The following ROBO2 variants were observed in gnomAD, a reference collection of about 807,000 sequenced individuals.
ROBO2 encodes the protein roundabout homolog 2.
Under a neutral mutation model 160.8 loss-of-function variants are expected in ROBO2, and 53 were observed. That is an observed-to-expected ratio of 0.33 (90% CI 0.26 to 0.41). The LOEUF (loss-of-function observed/expected upper bound fraction) is 0.41, where lower values mean the gene tolerates loss of function less well. Ranked by LOEUF, ROBO2 falls within the 10% of genes least tolerant of loss-of-function variation. The pLI is 1.00. For missense variants in ROBO2, 1,577 were observed against 1,722.4 expected, an observed-to-expected ratio of 0.92 and a Z score of 1.49; for synonymous variants, 664 against 611.7, an observed-to-expected ratio of 1.09 and a Z score of -1.26.
chr3:77,445,290 T>C (rs2153557537), intron 2 of ROBO2, among the ~76,000 whole-genome samples: 1 of 152,252 alleles, frequency 6.6e-6, no homozygotes, highest in East Asian at 1.9e-4. Context: ...ATTAAGACTA[T>C]CTCAGGACTT....
chr3:76,749,880 T>G (rs1203207436), intron 2 of ROBO2, among the ~76,000 whole-genome samples: 2 of 152,080 alleles, frequency 1.3e-5, no homozygotes, highest in East Asian at 3.9e-4. Context: ...AAAGAGGAGC[T>G]GGTACCATTC....
At chr3:76,328,318 T>C (rs1350142886) in intron 2 of ROBO2, among the ~76,000 whole-genome samples, 2 of 152,170 alleles carry the variant, frequency 1.3e-5, no homozygotes, top group Admixed American at 1.3e-4. Context: ...TTGGAAGATA[T>C]TCCCAAAAGT....
chr3:76,699,515 T>C (rs1176526287), intron 2 of ROBO2, among the ~76,000 whole-genome samples: 5 of 152,152 alleles, frequency 3.3e-5, no homozygotes, highest in Non-Finnish European at 5.9e-5. Flanking sequence ...GATCCCCATA[T>C]TGATATTAAA....
At chr3:77,458,418 G>T (rs1266449352) in intron 2 of ROBO2, among the ~76,000 whole-genome samples, 1 of 152,104 alleles carries the variant, frequency 6.6e-6, no homozygotes, top group Non-Finnish European at 1.5e-5. Flanking sequence ...TAGAAGGTTT[G>T]GGTTTGTTGG....
chr3:77,020,925 C>A (rs1002316890), intron 2 of ROBO2, among the ~76,000 whole-genome samples: 2 of 152,108 alleles, frequency 1.3e-5, no homozygotes, highest in East Asian at 1.9e-4. Context: ...ACACTCTTTG[C>A]CAGGTGTGGT....
chr3:76,599,027 T>C lies in ROBO2; in HGVS notation c.110-498987T>C, dbSNP rs376510955. Among the ~76,000 whole-genome samples, 33 of 152,262 alleles carry C rather than the reference T, an allele frequency of 2.2e-4. 1 individual carries two copies. The highest frequency in any genetic ancestry group is 1.7e-3 in the East Asian group (9 of 5,180). On this transcript the variant is annotated intron_variant, in intron 2 of 26. Transcript: ENST00000487694. ...ACCTCATCTTTAATTACGTTCTACA[T>C]GTAAGAACTACCCATTTGGTGTATA...
At chr3:76,545,608 T>C (rs1356591651) in intron 2 of ROBO2, among the ~76,000 whole-genome samples, 1 of 151,976 alleles carries the variant, frequency 6.6e-6, no homozygotes, top group Non-Finnish European at 1.5e-5. Flanking sequence ...CAGCCTTAAC[T>C]TTGACTCTCG....
chr3:76,152,103 G>T (rs904415802), intron 2 of ROBO2, among the ~76,000 whole-genome samples: 9 of 152,108 alleles, frequency 5.9e-5, no homozygotes, highest in African/African-American at 2.2e-4. Flanking sequence ...AGTGTTGTTG[G>T]TAAAGGCCAT....
intron 2 of ROBO2, among the ~76,000 whole-genome samples, chr3:76,132,506 A>C (rs545381721): frequency 1.8e-4 from 28 of 151,876 alleles, no homozygotes; most frequent in South Asian, 1.7e-3. Context: ...CACAAAACTC[A>C]AGTTCCCGGA....
At chr3:76,152,944 C>T (rs1027000632) in intron 2 of ROBO2, among the ~76,000 whole-genome samples, 9 of 152,100 alleles carry the variant, frequency 5.9e-5, no homozygotes, top group Admixed American at 1.3e-4. Flanking sequence ...GATCTGCCTT[C>T]TTCTAAATTC....
intron 5 of ROBO2, among the ~76,000 whole-genome samples, chr3:77,515,790 T>G (rs1251182922): frequency 6.6e-6 from 1 of 151,654 alleles, no homozygotes; most frequent in Non-Finnish European, 1.5e-5. Context: ...AGACTTAGAT[T>G]CCAATACGGT....
At chr3:75,937,484 T>G in exon 2 of ROBO2, 2 of 1,541,730 alleles carry the variant, frequency 1.3e-6, no homozygotes, top group Non-Finnish European at 1.7e-6. Context: ...TATGCAGAGT[T>G]TAAGATGCAA....
intron 2 of ROBO2, among the ~76,000 whole-genome samples, chr3:76,722,375 C>T (rs577383689): frequency 3.3e-5 from 5 of 152,182 alleles, no homozygotes; most frequent in Admixed American, 2.6e-4. Flanking sequence ...CCTTCTCAGC[C>T]TCCCAAAGTG....
intron 2 of ROBO2, among the ~76,000 whole-genome samples, chr3:76,732,938 A>G (rs774602): frequency 0.2 from 29,125 of 145,014 alleles, 2,886 homozygotes; most frequent in Non-Finnish European, 0.22. Flanking sequence ...AGTCTTCCTT[A>G]TGGCCCTGAA....
At chr3:76,843,322 G>A (rs2148484558) in intron 2 of ROBO2, among the ~76,000 whole-genome samples, 1 of 151,836 alleles carries the variant, frequency 6.6e-6, no homozygotes, top group East Asian at 1.9e-4. Flanking sequence ...TCCAGAAGAA[G>A]GGTTGAGAGG....
chr3:77,212,444 G>C (rs1269468881), intron 2 of ROBO2, among the ~76,000 whole-genome samples: 2 of 152,158 alleles, frequency 1.3e-5, no homozygotes, highest in East Asian at 3.9e-4. Flanking sequence ...AGACTTTGCT[G>C]AAGTTGCCTA....
intron 2 of ROBO2, among the ~76,000 whole-genome samples, chr3:77,217,570 T>G (rs2085151830): frequency 6.6e-6 from 1 of 152,248 alleles, no homozygotes; most frequent in Non-Finnish European, 1.5e-5. Flanking sequence ...CTTCTGTCAA[T>G]AGTTCTTTAT....
At chr3:77,586,506 T>C (rs2094053338) in intron 16 of ROBO2, among the ~76,000 whole-genome samples, 2 of 152,110 alleles carry the variant, frequency 1.3e-5, no homozygotes, top group African/African-American at 4.8e-5. Flanking sequence ...TATTTTTTTG[T>C]CTGCAAGAAC....
intron 2 of ROBO2, among the ~76,000 whole-genome samples, chr3:76,868,147 A>C (rs577801138): frequency 1.3e-4 from 20 of 152,142 alleles, no homozygotes; most frequent in Non-Finnish European, 2.6e-4. Context: ...ACATATTTCA[A>C]TTTTGTAAGT....
Sources: allele counts gnomAD v4.1 joint callset (sites outside exome capture counted in the v4.1 genomes callset), GRCh38; gene constraint gnomAD v4.1.1; transcripts MANE v1.5; gene names NCBI Gene and HGNC (gene_info 2026-07-23, HGNC 2026-07-21).